The following KLF15 variants were observed in gnomAD, a reference collection of about 807,000 sequenced individuals.
The protein encoded by KLF15 is Krueppel-like factor 15.
KLF15 carries 4 observed loss-of-function variants against 24.6 expected under a neutral mutation model. That is an observed-to-expected ratio of 0.16 (90% confidence interval 0.08 to 0.37). KLF15 has a LOEUF of 0.37. KLF15 is among the 10% of genes least tolerant of loss of function. The pLI is 1.00. For synonymous variants in KLF15, 246 were observed against 236.3 expected (o/e 1.04, Z -0.37); for missense variants, 496 against 560.6 (o/e 0.88, Z 1.16).
chr3:126,302,869 CTGG>C, the KLF15 span, among the ~76,000 whole-genome samples: 2 of 152,034 alleles, frequency 1.3e-5, no homozygotes, highest in Non-Finnish European at 2.9e-5. Flanking sequence ...TGTCTTTTAT[CTGG>C]AGTGTCATGA....
the KLF15 span, among the ~76,000 whole-genome samples, chr3:126,306,119 A>G: frequency 6.6e-6 from 1 of 152,140 alleles, no homozygotes; most frequent in Non-Finnish European, 1.5e-5. Flanking sequence ...TTTCCGAAGG[A>G]ACTTTCATCT....
chr3:126,298,097 C>A, the KLF15 span, among the ~76,000 whole-genome samples: 1 of 152,120 alleles, frequency 6.6e-6, no homozygotes, highest in African/African-American at 2.4e-5. Context: ...TTCACCACAT[C>A]AATGCCAACA....
the KLF15 span, among the ~76,000 whole-genome samples, chr3:126,317,054 T>A: frequency 6.6e-6 from 1 of 152,106 alleles, no homozygotes; most frequent in South Asian, 2.1e-4. Context: ...CTGGGTTCCA[T>A]CCATTCTCCT....
At chr3:126,329,348 G>A in the KLF15 span, among the ~76,000 whole-genome samples, 1 of 152,130 alleles carries the variant, frequency 6.6e-6, no homozygotes, top group African/African-American at 2.4e-5. Context: ...GCTGGGTGTG[G>A]TGGTGTGTGC....
the KLF15 span, among the ~76,000 whole-genome samples, chr3:126,297,079 T>C: frequency 6.6e-6 from 1 of 152,234 alleles, no homozygotes; most frequent in Admixed American, 6.5e-5. Context: ...TTAGTAACTT[T>C]CTGTGTGGTG....
the KLF15 span, among the ~76,000 whole-genome samples, chr3:126,299,080 G>A: frequency 6.6e-6 from 1 of 152,066 alleles, no homozygotes; most frequent in Non-Finnish European, 1.5e-5. Context: ...TCACAATATT[G>A]ATTCTACCCA....
chr3:126,333,488 C>A, the KLF15 span, among the ~76,000 whole-genome samples: 3 of 126,894 alleles, frequency 2.4e-5, no homozygotes, highest in Non-Finnish European at 5.0e-5. Flanking sequence ...TAAAGACCAT[C>A]GAGACTAGGA....
chr3:126,292,259 C>A, the KLF15 span, among the ~76,000 whole-genome samples: 3 of 152,134 alleles, frequency 2.0e-5, no homozygotes, highest in African/African-American at 7.2e-5. Context: ...AAGAGTTCCA[C>A]CACTTCTGAG....
the KLF15 span, among the ~76,000 whole-genome samples, chr3:126,309,548 G>T: frequency 6.6e-6 from 1 of 152,348 alleles, no homozygotes; most frequent in South Asian, 2.1e-4. Context: ...GTCCCCAGAG[G>T]TGTTTATTAA....
the KLF15 span, among the ~76,000 whole-genome samples, chr3:126,320,493 C>A: frequency 6.7e-6 from 1 of 150,322 alleles, no homozygotes; most frequent in East Asian, 1.9e-4. Flanking sequence ...CCTGAATGCA[C>A]ACACATACAC....
At chr3:126,345,553 T>TCACACACA (rs35986386) in intron 2 of KLF15, among the ~76,000 whole-genome samples, 15,117 of 149,708 alleles carry the variant, frequency 0.1, 1,017 homozygotes, top group South Asian at 0.14. Flanking sequence ...CCACACATAC[T>TCACACACA]CACACACACA....
chr3:126,303,422 C>T, the KLF15 span, among the ~76,000 whole-genome samples: 1 of 151,960 alleles, frequency 6.6e-6, no homozygotes, highest in Admixed American at 6.6e-5. Context: ...AACAATCCTC[C>T]CCCATCCTCC....
At chr3:126,332,310 C>A in the KLF15 span, among the ~76,000 whole-genome samples, 1 of 148,360 alleles carries the variant, frequency 6.7e-6, no homozygotes, top group East Asian at 2.0e-4. Flanking sequence ...AGCAGGGGCA[C>A]ACTGACACCT....
chr3:126,339,790 C>T (rs547249474), downstream of KLF15, among the ~76,000 whole-genome samples: 8 of 152,328 alleles, frequency 5.3e-5, no homozygotes, highest in East Asian at 1.9e-4. Flanking sequence ...CCGGCTCTCA[C>T]GGCCCCACAT....
At chr3:126,323,459 ATAACATATATATGT>A in the KLF15 span, among the ~76,000 whole-genome samples, 31 of 98,248 alleles carry the variant, frequency 3.2e-4, 1 homozygote, top group African/African-American at 1.5e-3. Flanking sequence ...ATATATATAT[ATAACATATATATGT>A]TATATATATA....
At chr3:126,333,648 C>G in the KLF15 span, among the ~76,000 whole-genome samples, 2 of 149,086 alleles carry the variant, frequency 1.3e-5, no homozygotes, top group African/African-American at 5.0e-5. Flanking sequence ...AGAGTCAAGA[C>G]CCATCAGTGT....
chr3:126,314,131 G>A, the KLF15 span, among the ~76,000 whole-genome samples: 22 of 151,982 alleles, frequency 1.4e-4, no homozygotes, highest in Admixed American at 2.6e-4. Context: ...TCCCTCGCTC[G>A]GTGGCCAACG....
chr3:126,316,680 G>A, the KLF15 span, among the ~76,000 whole-genome samples: 3 of 151,012 alleles, frequency 2.0e-5, no homozygotes, highest in East Asian at 3.9e-4. Flanking sequence ...CTGGAGTGGG[G>A]CTGGGAGTCC....
intron 2 of KLF15, among the ~76,000 whole-genome samples, chr3:126,350,375 T>C (rs1225178618): frequency 1.3e-5 from 2 of 152,156 alleles, no homozygotes; most frequent in Non-Finnish European, 2.9e-5. Context: ...CTCCGGTCTG[T>C]CTGAATGGGG....
Sources: gnomAD v4.1 joint callset for allele counts (sites outside exome capture counted in the v4.1 genomes callset) on GRCh38, gnomAD v4.1.1 for gene constraint, MANE v1.5 for transcripts, NCBI Gene and HGNC (gene_info 2026-07-23, HGNC 2026-07-21) for gene names.